ST6GALNAC3: variants seen among roughly 807,000 people sequenced by gnomAD.
ST6GALNAC3 encodes the protein alpha-N-acetylgalactosaminide alpha-2,6-sialyltransferase 3.
ST6GALNAC3 carries 25 observed loss-of-function variants against 32.7 expected under a neutral mutation model. That is an observed-to-expected ratio of 0.76 (90% CI 0.56 to 1.07). The LOEUF (loss-of-function observed/expected upper bound fraction) is 1.07. ST6GALNAC3 is among the 50% of genes least tolerant of loss of function. The probability of loss-of-function intolerance (pLI) is 0.00; values close to 1 mark genes in which losing one functional copy is unlikely to be tolerated. For missense variants in ST6GALNAC3, 355 were observed against 382.4 expected (o/e 0.93, Z 0.60); for synonymous variants, 129 against 133.1 (o/e 0.97, Z 0.21).
At chr1:76,413,572 C>G (rs1334287516) in intron 3 of ST6GALNAC3, among the ~76,000 whole-genome samples, 1 of 152,138 alleles carries the variant, frequency 6.6e-6, no homozygotes, top group African/African-American at 2.4e-5. Context: ...GGTGGATCAA[C>G]TCTCCTTTGG....
chr1:76,537,147 C>T (rs1663662425), intron 3 of ST6GALNAC3, among the ~76,000 whole-genome samples: 1 of 152,112 alleles, frequency 6.6e-6, no homozygotes, highest in Admixed American at 6.6e-5. Flanking sequence ...TCTCTCAGAC[C>T]ACAGTGCAAT....
intron 1 of ST6GALNAC3, among the ~76,000 whole-genome samples, chr1:76,155,634 ATT>A (rs767457825): frequency 7.0e-5 from 10 of 143,606 alleles, no homozygotes; most frequent in African/African-American, 2.0e-4. Flanking sequence ...CGCCTGGCTA[ATT>A]TTTTTTTTTT....
At chr1:76,318,094 G>T (rs547373165) in intron 2 of ST6GALNAC3, among the ~76,000 whole-genome samples, 1 of 151,084 alleles carries the variant, frequency 6.6e-6, no homozygotes, top group South Asian at 2.1e-4. Context: ...TCTGTTCCCA[G>T]GGGAAATACA....
chr1:76,206,653 A>G (rs1170357653), intron 1 of ST6GALNAC3, among the ~76,000 whole-genome samples: 1 of 151,966 alleles, frequency 6.6e-6, no homozygotes, highest in Non-Finnish European at 1.5e-5. Flanking sequence ...GCTTCAGGAG[A>G]ACCCGGGAGG....
chr1:76,465,633 A>G (rs1442573424), intron 3 of ST6GALNAC3, among the ~76,000 whole-genome samples: 2 of 152,154 alleles, frequency 1.3e-5, no homozygotes, highest in African/African-American at 4.8e-5. Context: ...TGTCATTTAA[A>G]TGTCATATTA....
intron 1 of ST6GALNAC3, among the ~76,000 whole-genome samples, chr1:76,169,448 T>C (rs1652334725): frequency 6.6e-6 from 1 of 152,158 alleles, no homozygotes; most frequent in Admixed American, 6.6e-5. Flanking sequence ...TTAGTATTAG[T>C]AAAAAGAATT....
chr1:76,276,853 A>G (rs1659162098), intron 1 of ST6GALNAC3, among the ~76,000 whole-genome samples: 1 of 152,156 alleles, frequency 6.6e-6, no homozygotes, highest in Admixed American at 6.6e-5. Flanking sequence ...AAAGTTGTCA[A>G]ATTGGTGTGT....
At chr1:76,581,447 G>A (rs1219181790) in intron 3 of ST6GALNAC3, among the ~76,000 whole-genome samples, 1 of 152,126 alleles carries the variant, frequency 6.6e-6, no homozygotes, top group East Asian at 1.9e-4. Context: ...TAACTTTGTA[G>A]CATGTCATAT....
intron 2 of ST6GALNAC3, among the ~76,000 whole-genome samples, chr1:76,356,884 C>A (rs139821800): frequency 2.2e-4 from 33 of 152,150 alleles, no homozygotes; most frequent in African/African-American, 7.2e-4. Flanking sequence ...AACCGTATTG[C>A]GGTCTAAACA....
intron 2 of ST6GALNAC3, among the ~76,000 whole-genome samples, chr1:76,337,260 G>C (rs918616687): frequency 2.0e-5 from 3 of 152,200 alleles, no homozygotes; most frequent in Admixed American, 6.5e-5. Context: ...ATCAGCAATT[G>C]GATGCTTGCC....
intron 2 of ST6GALNAC3, among the ~76,000 whole-genome samples, chr1:76,334,111 C>T (rs959322504): frequency 3.3e-5 from 5 of 150,838 alleles, no homozygotes; most frequent in African/African-American, 1.2e-4. Flanking sequence ...TTATTATTCA[C>T]TGGATAAGGC....
chr1:76,374,366 C>T (rs2101090263), intron 2 of ST6GALNAC3, among the ~76,000 whole-genome samples: 1 of 152,244 alleles, frequency 6.6e-6, no homozygotes, highest in South Asian at 2.1e-4. Flanking sequence ...AGTCCTGCCC[C>T]ATAGAGTAAT....
At chr1:76,569,631 A>G (rs1665747661) in intron 3 of ST6GALNAC3, among the ~76,000 whole-genome samples, 1 of 151,698 alleles carries the variant, frequency 6.6e-6, no homozygotes, top group African/African-American at 2.4e-5. Flanking sequence ...CCAGTAATTA[A>G]CTCTCCTAAT....
At chr1:76,491,734 C>A (rs1166758571) in intron 3 of ST6GALNAC3, among the ~76,000 whole-genome samples, 1 of 152,186 alleles carries the variant, frequency 6.6e-6, no homozygotes, top group Non-Finnish European at 1.5e-5. Flanking sequence ...TTGTCAGAAT[C>A]TCTTTCACTA....
At chr1:76,134,458 C>G (rs1258363536) in intron 1 of ST6GALNAC3, among the ~76,000 whole-genome samples, 4 of 152,224 alleles carry the variant, frequency 2.6e-5, no homozygotes, top group Non-Finnish European at 5.9e-5. Flanking sequence ...TCCTCCAGCT[C>G]TAACATTCTG....
chr1:76,391,556 C>G (rs1192048871), intron 2 of ST6GALNAC3, among the ~76,000 whole-genome samples: 1 of 150,190 alleles, frequency 6.7e-6, no homozygotes, highest in African/African-American at 2.5e-5. Context: ...TCCTTCCTTC[C>G]TTCCTTCCTT....
chr1:76,110,920 A>G (rs1315393880), intron 1 of ST6GALNAC3, among the ~76,000 whole-genome samples: 9 of 152,190 alleles, frequency 5.9e-5, no homozygotes, highest in Non-Finnish European at 5.9e-5. Context: ...GTACACAAGA[A>G]AGTAAAAGGA....
intron 3 of ST6GALNAC3, among the ~76,000 whole-genome samples, chr1:76,446,992 A>C (rs1278382984): frequency 2.0e-5 from 3 of 152,238 alleles, no homozygotes; most frequent in Non-Finnish European, 2.9e-5. Context: ...AAAACGTGGA[A>C]GCAACTTTGG....
intron 1 of ST6GALNAC3, among the ~76,000 whole-genome samples, chr1:76,155,614 C>T (rs1195686782): frequency 6.6e-6 from 1 of 151,392 alleles, no homozygotes; most frequent in East Asian, 1.9e-4. Context: ...ACGACAGGCG[C>T]CCGCCACTAC....
Sources: allele counts gnomAD v4.1 joint callset (sites outside exome capture counted in the v4.1 genomes callset), GRCh38; gene constraint gnomAD v4.1.1; transcripts MANE v1.5; gene names NCBI Gene and HGNC (gene_info 2026-07-23, HGNC 2026-07-21).